Variants in DISC1 observed in about 807,000 individuals in gnomAD.
The protein encoded by DISC1 is DISC1 scaffold protein.
A neutral mutation model predicts 84.5 loss-of-function variants in DISC1; 57 were observed. That is an observed-to-expected ratio of 0.67 (90% CI 0.55 to 0.84). The LOEUF (loss-of-function observed/expected upper bound fraction) is 0.84, where lower values mean the gene tolerates loss of function less well. Among genes scored for constraint, DISC1 ranks in the 40% least tolerant of loss-of-function variants. The probability of loss-of-function intolerance (pLI) is 0.00; values close to 1 mark genes in which losing one functional copy is unlikely to be tolerated. For missense variants in DISC1, 1,000 were observed against 1,057.8 expected, an observed-to-expected ratio of 0.95 and a Z score of 0.76; for synonymous variants, 411 against 415.2, an observed-to-expected ratio of 0.99 and a Z score of 0.12.
chr1:232,034,113 T>C (rs1453167317), intron 12 of DISC1, among the ~76,000 whole-genome samples: 1 of 152,212 alleles, frequency 6.6e-6, no homozygotes, highest in Admixed American at 6.5e-5. Flanking sequence ...AGAAGTACTT[T>C]GCAAATAAAA....
At chr1:231,729,399 T>A (rs1207029368) in intron 3 of DISC1, among the ~76,000 whole-genome samples, 1 of 152,212 alleles carries the variant, frequency 6.6e-6, no homozygotes, top group African/African-American at 2.4e-5. Context: ...TACTTCTAGA[T>A]CCCTGAGGAA....
intron 10 of DISC1, among the ~76,000 whole-genome samples, chr1:231,982,321 C>T (rs1378049812): frequency 6.6e-6 from 1 of 152,018 alleles, no homozygotes; most frequent in African/African-American, 2.4e-5. Flanking sequence ...GAATTCCTCC[C>T]TCCCTCCCTC....
chr1:232,026,906 G>A (rs767969638), intron 12 of DISC1, among the ~76,000 whole-genome samples: 4 of 151,344 alleles, frequency 2.6e-5, no homozygotes, highest in South Asian at 2.1e-4. Flanking sequence ...CCGCCAGCAC[G>A]CCCAGCTAAT....
At chr1:231,856,180 G>A (rs1266972316) in intron 9 of DISC1, among the ~76,000 whole-genome samples, 1 of 152,196 alleles carries the variant, frequency 6.6e-6, no homozygotes, top group South Asian at 2.1e-4. Flanking sequence ...CTCTCGGTTG[G>A]ATTGCAGATT....
intron 12 of DISC1, among the ~76,000 whole-genome samples, chr1:232,027,236 C>T (rs1188549646): frequency 6.6e-6 from 1 of 152,142 alleles, no homozygotes; most frequent in African/African-American, 2.4e-5. Context: ...GTCCTAAATC[C>T]ACCTCTGAAT....
chr1:231,843,860 G>A (rs2083259476), intron 9 of DISC1, among the ~76,000 whole-genome samples: 1 of 152,194 alleles, frequency 6.6e-6, no homozygotes, highest in African/African-American at 2.4e-5. Context: ...TCAGTGGAGA[G>A]CTGGTTGCAA....
intron 9 of DISC1, among the ~76,000 whole-genome samples, chr1:231,856,995 C>T (rs763030149): frequency 6.6e-6 from 1 of 152,162 alleles, no homozygotes; most frequent in Non-Finnish European, 1.5e-5. Flanking sequence ...GCGAGGTGCT[C>T]AGGGGATGGA....
intron 11 of DISC1, among the ~76,000 whole-genome samples, chr1:232,021,296 C>T (rs956772199): frequency 3.3e-5 from 5 of 151,360 alleles, no homozygotes; most frequent in Admixed American, 6.6e-5. Context: ...TGTCTTCCTG[C>T]GGAATTTTCT....
intron 9 of DISC1, among the ~76,000 whole-genome samples, chr1:231,945,436 C>T (rs893643498): frequency 1.3e-5 from 2 of 152,120 alleles, no homozygotes; most frequent in Admixed American, 6.5e-5. Flanking sequence ...CACAACAAAG[C>T]AGAATCTCTG....
chr1:231,803,519 G>T (rs540454315), intron 8 of DISC1, among the ~76,000 whole-genome samples: 34 of 152,226 alleles, frequency 2.2e-4, no homozygotes, highest in Non-Finnish European at 4.3e-4. Context: ...TGAAAGATCT[G>T]CTTCCAAACT....
At chr1:231,989,473 G>A (rs1664895434) in intron 10 of DISC1, among the ~76,000 whole-genome samples, 1 of 152,210 alleles carries the variant, frequency 6.6e-6, no homozygotes, top group Non-Finnish European at 1.5e-5. Context: ...CTCTGGTAGG[G>A]AAGCGCATGT....
chr1:231,626,993 C>A (rs936474880), intron 1 of DISC1, 59 bp downstream of exon 1: 16 of 1,233,032 alleles, frequency 1.3e-5, no homozygotes, highest in Non-Finnish European at 1.7e-5. Flanking sequence ...AAGGAGGGCG[C>A]GCTCTGGCCC....
At position 231,692,309 on chromosome 1, in the gene DISC1, C is replaced by T. The variant is rs935083869; in HGVS notation, c.68-1517C>T. 2.5e-4 allele frequency among the ~76,000 whole-genome samples: 38 copies of T among 152,352 alleles called. 1 individual carries two copies. The highest frequency in any genetic ancestry group is 8.9e-4 in the African/African-American group (37 of 41,588). ...TTGCAAGCTTCCGGAATTCTTTGTACCCCGGGCAGCAATAGCCCTTTTGGA... is the reference window on the plus strand; with the variant it reads ...TTGCAAGCTTCCGGAATTCTTTGTATCCCGGGCAGCAATAGCCCTTTTGGA... On this transcript the variant is annotated intron_variant, in intron 1 of 12. Transcript: ENST00000439617.
intron 1 of DISC1, among the ~76,000 whole-genome samples, chr1:231,667,343 G>A (rs2062115645): frequency 6.6e-6 from 1 of 152,104 alleles, no homozygotes; most frequent in East Asian, 1.9e-4. Flanking sequence ...GCAGACTCAG[G>A]GCTTAAATAC....
intron 10 of DISC1, among the ~76,000 whole-genome samples, chr1:231,980,824 G>A (rs1663490451): frequency 6.6e-6 from 1 of 152,060 alleles, no homozygotes; most frequent in Non-Finnish European, 1.5e-5. Context: ...TTTTTTGAGG[G>A]GTGGAAGTGT....
chr1:231,739,086 G>A (rs1300694189), intron 3 of DISC1, among the ~76,000 whole-genome samples: 1 of 152,156 alleles, frequency 6.6e-6, no homozygotes, highest in Non-Finnish European at 1.5e-5. Context: ...CTACTGAGGT[G>A]TCATTACTTA....
chr1:231,722,597 A>G (rs746836136), intron 3 of DISC1: 4 of 1,614,220 alleles, frequency 2.5e-6, no homozygotes, highest in South Asian at 1.1e-5. Flanking sequence ...CCAAACTCCT[A>G]TTAATGAAAC....
chr1:231,797,127 T>C (rs901057692), intron 7 of DISC1, among the ~76,000 whole-genome samples: 2 of 152,170 alleles, frequency 1.3e-5, no homozygotes, highest in Non-Finnish European at 2.9e-5. Flanking sequence ...ACATACTGTA[T>C]GGGTAATATG....
chr1:231,987,719 G>C (rs1244634017), intron 10 of DISC1, among the ~76,000 whole-genome samples: 1 of 152,190 alleles, frequency 6.6e-6, no homozygotes, highest in Admixed American at 6.5e-5. Flanking sequence ...TTTGGTATTA[G>C]CAATGAGCTG....
Sources: allele counts gnomAD v4.1 joint callset (sites outside exome capture counted in the v4.1 genomes callset), GRCh38; gene constraint gnomAD v4.1.1; transcripts MANE v1.5; gene names NCBI Gene and HGNC (gene_info 2026-07-23, HGNC 2026-07-21).